Variants in DNAJB14 observed in about 807,000 individuals in gnomAD.
DNAJB14 encodes dnaJ homolog subfamily B member 14.
DNAJB14 carries 22 observed loss-of-function variants against 48.4 expected under a neutral mutation model. That is an observed-to-expected ratio of 0.45 (90% confidence interval 0.32 to 0.65). The LOEUF (loss-of-function observed/expected upper bound fraction) is 0.65, where lower values mean the gene tolerates loss of function less well. Ranked by LOEUF, DNAJB14 falls within the 30% of genes least tolerant of loss-of-function variation. DNAJB14 has a pLI of 0.03. For synonymous variants in DNAJB14, 142 were observed against 158.7 expected, an observed-to-expected ratio of 0.89 and a Z score of 0.79; for missense variants, 319 against 458.8, an observed-to-expected ratio of 0.70 and a Z score of 2.78.
At chr4:99,935,806 G>A (rs563390545) in intron 1 of DNAJB14, among the ~76,000 whole-genome samples, 2 of 152,118 alleles carry the variant, frequency 1.3e-5, no homozygotes, top group Non-Finnish European at 2.9e-5. Flanking sequence ...GGTGGCTCAC[G>A]CCTGTAATCC....
chr4:99,943,797 G>A (rs528241254), intron 1 of DNAJB14, among the ~76,000 whole-genome samples: 1 of 152,168 alleles, frequency 6.6e-6, no homozygotes, highest in South Asian at 2.1e-4. Flanking sequence ...TCAACAGTAG[G>A]GGAGGATTCA....
At chr4:99,940,704 GCTAGCTGT>G (rs1560750218) in intron 1 of DNAJB14, among the ~76,000 whole-genome samples, 4 of 146,164 alleles carry the variant, frequency 2.7e-5, no homozygotes, top group Admixed American at 6.9e-5. Flanking sequence ...ACTCTAGTTA[GCTAGCTGT>G]CTAGCTTTTT....
At chr4:99,939,583 T>C (rs778336007) in intron 1 of DNAJB14, among the ~76,000 whole-genome samples, 10 of 152,222 alleles carry the variant, frequency 6.6e-5, no homozygotes, top group Non-Finnish European at 1.2e-4. Context: ...GCAGTTACTA[T>C]GATAATGAAG....
At chr4:99,909,421 A>G (rs1208780728) in intron 3 of DNAJB14, among the ~76,000 whole-genome samples, 1 of 151,994 alleles carries the variant, frequency 6.6e-6, no homozygotes. Context: ...TGCACCCTGG[A>G]GCCTGAATGA....
At chr4:99,935,009 G>C (rs1221232739) in intron 1 of DNAJB14, among the ~76,000 whole-genome samples, 1 of 150,446 alleles carries the variant, frequency 6.6e-6, no homozygotes, top group Admixed American at 6.6e-5. Context: ...AAGTCAAAAA[G>C]ACAAAAAAAT....
At chr4:99,944,868 C>T (rs1727011990) in intron 1 of DNAJB14, among the ~76,000 whole-genome samples, 1 of 152,114 alleles carries the variant, frequency 6.6e-6, no homozygotes, top group Non-Finnish European at 1.5e-5. Flanking sequence ...TGAGCCACCG[C>T]GCCCAGCCTA....
In DNAJB14 at chr4:99,900,581, T is replaced by C. The variant is rs1204666675; in HGVS notation, c.*447A>G. On this transcript the variant is annotated 3_prime_UTR_variant, in exon 8 of 8. Coordinates refer to ENST00000442697, the MANE Select transcript of DNAJB14 (RefSeq NM_001031723.4). ...GACACCTTGATAAGGAAAATGTAAA[T>C]GTGTCATATAACATTTATTCCATCA... 1 of 152,790 alleles carries C rather than the reference T, an allele frequency of 6.5e-6. No homozygotes were observed. The highest frequency in any genetic ancestry group is 1.5e-5 in the Non-Finnish European group (1 of 68,158). 9.5% of individuals were successfully genotyped at this position (152,790 alleles called of 1,614,324 possible).
rs1726301893 is a variant in DNAJB14, at chr4:99,927,598, T to A, written c.305+2852A>T. On this transcript the variant is annotated intron_variant, in intron 2 of 7. Coordinates refer to ENST00000442697, the MANE Select transcript of DNAJB14 (RefSeq NM_001031723.4). Reference sequence around the variant, plus strand: ...TTTCAAATAAGATCCATGACAACTTTGTCTCAATTATTTTTCAATACACTT... The same window carrying A: ...TTTCAAATAAGATCCATGACAACTTAGTCTCAATTATTTTTCAATACACTT... 5 of 152,188 alleles carry A rather than the reference T, an allele frequency of 3.3e-5. No homozygotes were observed. The South Asian group carries it at 1.0e-3, about 31-fold the overall frequency. 9.4% of individuals were successfully genotyped at this position (152,188 alleles called of 1,614,324 possible).
intron 3 of DNAJB14, among the ~76,000 whole-genome samples, chr4:99,910,554 G>A (rs901386074): frequency 2.0e-5 from 3 of 151,762 alleles, no homozygotes; most frequent in African/African-American, 4.8e-5. Context: ...TCTATTTTAA[G>A]GCTTCCTTTT....
intron 2 of DNAJB14, chr4:99,924,796 G>A (rs1726189181): frequency 6.3e-7 from 1 of 1,592,138 alleles, no homozygotes; most frequent in South Asian, 1.1e-5. Context: ...CCATATCAAT[G>A]TTCCAATATC....
rs143314150 is a variant in DNAJB14, at chr4:99,922,877, C to T, written c.451+163G>A. On this transcript the variant is annotated intron_variant, in intron 3 of 7. Coordinates refer to ENST00000442697, the MANE Select transcript of DNAJB14 (RefSeq NM_001031723.4). ...AAGCCAAACTGCATTTGTTTGCCTT[C>T]GGGTATAACCAGTTAATACTGAAGT... is the stretch of plus-strand genomic sequence containing the variant. The T allele has an allele frequency of 1.2e-3, 862 of 705,092 alleles. 6 individuals carry two copies. In the African/African-American group the frequency reaches 0.014, roughly 11 times the overall value. The allele number at this position is 705,092 out of a possible 1,614,324, so 43.7% of individuals were successfully genotyped here. A position where few individuals can be genotyped will look rare whatever the true frequency, so the allele number is the denominator to read the frequency against.
chr4:99,938,657 A>T (rs900530903), intron 1 of DNAJB14, among the ~76,000 whole-genome samples: 16 of 152,140 alleles, frequency 1.1e-4, no homozygotes, highest in Non-Finnish European at 2.2e-4. Flanking sequence ...AACAAATACA[A>T]AGTAAATGAA....
At chr4:99,940,722 T>G (rs1402790503) in intron 1 of DNAJB14, among the ~76,000 whole-genome samples, 3 of 152,066 alleles carry the variant, frequency 2.0e-5, no homozygotes, top group Non-Finnish European at 4.4e-5. Flanking sequence ...TCTAGCTTTT[T>G]AGACATTATT....
Position 99,903,572 on chromosome 4 carries a change from C to T in DNAJB14, c.1015+154G>A, listed in dbSNP as rs1184266563. Among the ~76,000 whole-genome samples, 7 of 152,132 alleles carry T rather than the reference C, an allele frequency of 4.6e-5. No individual in the cohort carries two copies. The South Asian group carries it at 1.2e-3, about 27-fold the overall frequency. On this transcript the variant is annotated intron_variant, in intron 7 of 7. Coordinates refer to ENST00000442697, the MANE Select transcript of DNAJB14 (RefSeq NM_001031723.4). ...ACTATGTGTCAATTCCGATGTTAGGCCACATGTATATAAAACACATGATCT... is the reference window on the plus strand; with the variant it reads ...ACTATGTGTCAATTCCGATGTTAGGTCACATGTATATAAAACACATGATCT...
rs1485055448 is a variant in DNAJB14, at chr4:99,903,789, T to C, written c.952A>G (p.Lys318Glu). 1.9e-6 allele frequency: 3 copies of C among 1,612,988 alleles called. No individual in the cohort carries two copies. The highest frequency in any genetic ancestry group is 2.2e-5 in the South Asian group (2 of 91,024). The part of the protein sequence containing the change: ...YKGMLLQKVE[K>E]SVEEDYVTNI... ...GTCACATAATCTTCCTCCACACTCT[T>C]TTCTACCTTTTGTAATAACATTCCT... Residue 318 changes from lysine (K) to glutamate (E), a missense_variant, in exon 7 of 8, where the codon AAG becomes GAG. Physicochemically the swap from Lys to Glu is moderately conservative, Grantham distance 56 (BLOSUM62 1). This residue lies in a region of DNAJB14 where 166 missense variants were observed against 236.3 expected (regional missense o/e 0.70). Coordinates refer to ENST00000442697, the MANE Select transcript of DNAJB14 (RefSeq NM_001031723.4).
At chr4:99,930,280 G>T in intron 2 of DNAJB14, 170 bp downstream of exon 2, 1 of 500,004 alleles carries the variant, frequency 2.0e-6, no homozygotes, top group Non-Finnish European at 3.3e-6. Context: ...TATAGAGTTG[G>T]TACTTTACAG....
chr4:99,913,478 T>C (rs1041589284), intron 3 of DNAJB14, among the ~76,000 whole-genome samples: 1 of 152,176 alleles, frequency 6.6e-6, no homozygotes, highest in African/African-American at 2.4e-5. Flanking sequence ...ATTACACTTA[T>C]TGATCTTCAA....
In DNAJB14 at chr4:99,938,097, C is replaced by CAAAAAAAAAAAAAAAAAAAAAAA. The variant is rs59597113; in HGVS notation, c.134-7499_134-7477dup. On this transcript the variant is annotated intron_variant, in intron 1 of 7. Transcript: ENST00000442697. ...ACATGGCGAAACCATGTTAAAAATACAAAAAAAAAAAAAAAAAAAAAAAAA... is the reference window on the plus strand; with the variant it reads ...ACATGGCGAAACCATGTTAAAAATACAAAAAAAAAAAAAAAAAAAAAAAAAAAAAAAAAAAAAAAAAAAAAAAA... Among the ~76,000 whole-genome samples, 34 of 40,978 alleles carry CAAAAAAAAAAAAAAAAAAAAAAA rather than the reference C, an allele frequency of 8.3e-4. 3 individuals are homozygous for CAAAAAAAAAAAAAAAAAAAAAAA. The highest frequency in any genetic ancestry group is 1.4e-3 in the African/African-American group (18 of 12,712). The allele number at this position is 40,978 out of a possible 152,430, so 26.9% of individuals were successfully genotyped here.
Position 99,899,631 on chromosome 4 carries a change from AC to A in DNAJB14, c.*1396del, listed in dbSNP as rs899478846. ...AAAAACTTAAACAAAGAACAAAGCC[AC>A]CCTATCTAGCATTCTCTCACTCACA... is the stretch of plus-strand genomic sequence containing the variant. On this transcript the variant is annotated 3_prime_UTR_variant, in exon 8 of 8. Coordinates refer to ENST00000442697, the MANE Select transcript of DNAJB14 (RefSeq NM_001031723.4). The A allele has an allele frequency of 6.6e-5, 10 of 152,476 alleles. No homozygotes were observed. The highest frequency in any genetic ancestry group is 2.4e-4 in the African/African-American group (10 of 41,556). 9.4% of individuals were successfully genotyped at this position (152,476 alleles called of 1,614,324 possible). A position where few individuals can be genotyped will look rare whatever the true frequency, so the allele number is the denominator to read the frequency against.
Sources: allele counts gnomAD v4.1 joint callset (sites outside exome capture counted in the v4.1 genomes callset), GRCh38; gene constraint gnomAD v4.1.1; regional missense constraint gnomAD v4.1.1; transcripts MANE v1.5; gene names NCBI Gene and HGNC (gene_info 2026-07-23, HGNC 2026-07-21).